The following ABR variants were observed in gnomAD, a reference collection of about 807,000 sequenced individuals.
ABR encodes the protein active breakpoint cluster region-related protein.
ABR carries 35 observed loss-of-function variants against 107.2 expected under a neutral mutation model. That is an observed-to-expected ratio of 0.33 (90% confidence interval 0.25 to 0.43). The LOEUF is 0.43. ABR is among the 20% of genes least tolerant of loss of function. The pLI is 1.00. For missense variants in ABR, 815 were observed against 1,115.2 expected (o/e 0.73, Z 3.83); for synonymous variants, 498 against 462.0 (o/e 1.08, Z -1.00).
At chr17:1,183,032 G>A (rs191518360), upstream of ABR, among the ~76,000 whole-genome samples, 13 of 152,266 alleles carry the variant, frequency 8.5e-5, no homozygotes, top group East Asian at 1.5e-3. Context: ...CCAACGTCAC[G>A]CGCTGGGAAG....
intron 1 of ABR, among the ~76,000 whole-genome samples, chr17:1,175,014 TG>T (rs2041868512): frequency 6.6e-6 from 1 of 151,514 alleles, no homozygotes. Flanking sequence ...TCTAATCCCA[TG>T]GGATTGGGAA....
intron 1 of ABR, among the ~76,000 whole-genome samples, chr17:1,216,799 C>T (rs1335030394): frequency 6.6e-6 from 1 of 152,156 alleles, no homozygotes; most frequent in East Asian, 1.9e-4. Context: ...AACAACAGCT[C>T]CTTCAGCCCA....
At chr17:1,026,598 G>A (rs1226958894) in intron 16 of ABR, among the ~76,000 whole-genome samples, 1 of 152,132 alleles carries the variant, frequency 6.6e-6, no homozygotes, top group Non-Finnish European at 1.5e-5. Flanking sequence ...GCCTCTCCAG[G>A]GCCCATCCTG....
At chr17:1,149,212 C>A (rs939395978) in intron 1 of ABR, among the ~76,000 whole-genome samples, 3 of 151,410 alleles carry the variant, frequency 2.0e-5, no homozygotes, top group Admixed American at 2.0e-4. Flanking sequence ...GCCTATTTTG[C>A]CATAATTTAA....
At chr17:1,126,869 G>A (rs972221617) in intron 1 of ABR, among the ~76,000 whole-genome samples, 2 of 152,246 alleles carry the variant, frequency 1.3e-5, no homozygotes, top group African/African-American at 4.8e-5. Flanking sequence ...GGGAAAGTGC[G>A]TGGAGCGAAT....
intron 16 of ABR, among the ~76,000 whole-genome samples, chr17:1,033,784 C>T (rs886402149): frequency 2.0e-5 from 3 of 152,070 alleles, no homozygotes; most frequent in African/African-American, 4.8e-5. Flanking sequence ...GAGAGACGGA[C>T]GGAGGTAGGA....
intron 6 of ABR, 95 bp downstream of exon 6, chr17:1,079,223 TCACACACACGCA>T (rs2036010224): frequency 2.6e-6 from 4 of 1,517,108 alleles, no homozygotes; most frequent in Non-Finnish European, 2.7e-6. Flanking sequence ...TCACACGCGC[TCACACACACGCA>T]CACACAAGGG....
chr17:1,205,523 T>C (rs576429463), intron 1 of ABR, among the ~76,000 whole-genome samples: 2 of 152,268 alleles, frequency 1.3e-5, no homozygotes, highest in Admixed American at 6.5e-5. Context: ...CTATTGAAAA[T>C]GCATTGGCTG....
intron 3 of ABR, among the ~76,000 whole-genome samples, chr17:1,095,076 C>T (rs1432201535): frequency 6.6e-6 from 1 of 152,182 alleles, no homozygotes; most frequent in African/African-American, 2.4e-5. Flanking sequence ...CCACAGAATC[C>T]CCATACCCAA....
intron 1 of ABR, among the ~76,000 whole-genome samples, chr17:1,165,330 A>G (rs1321862473): frequency 6.6e-6 from 1 of 152,200 alleles, no homozygotes; most frequent in Non-Finnish European, 1.5e-5. Flanking sequence ...TGCTGGGGGA[A>G]GACCTCCTGC....
At chr17:1,031,525 GCCCCCGCAGC>G (rs1166910568) in intron 16 of ABR, 4 of 282,804 alleles carry the variant, frequency 1.4e-5, no homozygotes, top group Non-Finnish European at 2.5e-5. Context: ...AGCCCCCGCA[GCCCCCGCAGC>G]CCCCCGAGCC....
At position 1,010,082 on chromosome 17, in the gene ABR, C is replaced by T; in HGVS notation, c.2237-298G>A. 1 of 506,586 alleles carries T rather than the reference C, an allele frequency of 2.0e-6. No homozygotes were observed. The allele number at this position is 506,586 out of a possible 1,614,324, so 31.4% of individuals were successfully genotyped here. On this transcript the variant is annotated intron_variant, in intron 20 of 22. Transcript: ENST00000302538. The surrounding 1 kb of genome is among the most constrained non-coding windows in gnomAD (Gnocchi z 4.1). ...GCATCCCCTGTCTCGTAACAGGACACCCCCTGGTCTGTGTGGCTAAGGTTA... is the reference window on the plus strand; with the variant it reads ...GCATCCCCTGTCTCGTAACAGGACATCCCCTGGTCTGTGTGGCTAAGGTTA...
intron 1 of ABR, among the ~76,000 whole-genome samples, chr17:1,193,455 T>C (rs2042480572): frequency 6.6e-6 from 1 of 151,938 alleles, no homozygotes; most frequent in Admixed American, 6.6e-5. Flanking sequence ...CCACGCCCGC[T>C]TTACAGAAGA....
At chr17:1,110,748 C>G (rs3813439) in intron 2 of ABR, among the ~76,000 whole-genome samples, 35,794 of 152,102 alleles carry the variant, frequency 0.24, 4,338 homozygotes, top group Middle Eastern at 0.41. Context: ...CAGGGGATTG[C>G]GGGGTGAGCC....
Position 1,125,037 on chromosome 17 carries a change from C to G in ABR, c.246+146G>C, listed in dbSNP as rs775936586. 9.0e-6 allele frequency: 7 copies of G among 776,944 alleles called. No individual in the cohort carries two copies. In the East Asian group the frequency reaches 1.2e-4, roughly 13 times the overall value. The allele number at this position is 776,944 out of a possible 1,614,324, so 48.1% of individuals were successfully genotyped here. On this transcript the variant is annotated intron_variant, in intron 2 of 22. Transcript: ENST00000302538. Reference sequence around the variant, plus strand: ...GCCTGAGAGGGGTCCAGGGCCAGGACGAGATGACGAGGCACCAAGAACGGC... The same window carrying G: ...GCCTGAGAGGGGTCCAGGGCCAGGAGGAGATGACGAGGCACCAAGAACGGC...
At chr17:1,173,247 A>G (rs71358543) in intron 1 of ABR, among the ~76,000 whole-genome samples, 1 of 59,578 alleles carries the variant, frequency 1.7e-5, no homozygotes, top group Non-Finnish European at 3.0e-5. Context: ...CCCACCCAAC[A>G]CATCACCTCA....
In ABR at chr17:1,056,102, C is replaced by T. The variant is rs745472284; in HGVS notation, c.1494G>A (p.Glu498=). 6.8e-6 allele frequency: 11 copies of T among 1,614,012 alleles called. No homozygotes were observed. Among genetic ancestry groups the T allele is most frequent in the Middle Eastern group, 3.3e-4 (2 of 6,084 alleles). The change falls in exon 14 of 23, where the codon GAG becomes GAA. Residue 498 remains glutamate, a synonymous_variant. Coordinates refer to ENST00000302538, the MANE Select transcript of ABR (RefSeq NM_021962.5). ...GAAGGAAGCCATAGAGTCCTGGAGA[C>T]TCATCGTCTGCAAGAGAGAAAAGCC... ...IPVTSNKDDD[E]SPGLYGFLHV...
Position 1,217,245 on chromosome 17 carries a change from C to G in ABR, c.838+11548G>C, listed in dbSNP as rs184862240. On this transcript the variant is annotated intron_variant, in intron 1 of 22. Coordinates refer to the ABR transcript ENST00000574139. ...CAGTGCGGCCGCCTCACCGTCCCCCCCAAGGCTGCAGCCGTGACGCGTCTG... is the reference window on the plus strand; with the variant it reads ...CAGTGCGGCCGCCTCACCGTCCCCCGCAAGGCTGCAGCCGTGACGCGTCTG... Among the ~76,000 whole-genome samples, 662 of 152,322 alleles carry G rather than the reference C, an allele frequency of 4.3e-3. 1 individual carries two copies. Among genetic ancestry groups the G allele is most frequent in the Middle Eastern group, 0.01 (3 of 294 alleles).
intron 1 of ABR, among the ~76,000 whole-genome samples, chr17:1,165,530 T>G (rs2041468943): frequency 6.6e-6 from 1 of 152,152 alleles, no homozygotes; most frequent in Non-Finnish European, 1.5e-5. Context: ...AGTGAAAACT[T>G]TCTTTTTTTC....
Sources: allele counts gnomAD v4.1 joint callset (sites outside exome capture counted in the v4.1 genomes callset), GRCh38; gene constraint gnomAD v4.1.1; non-coding constraint Gnocchi (gnomAD v3.1); transcripts MANE v1.5; gene names NCBI Gene and HGNC (gene_info 2026-07-23, HGNC 2026-07-21).